The following CWC22 variants were observed in gnomAD, a reference collection of about 807,000 sequenced individuals.
CWC22 encodes the protein CWC22 spliceosome associated protein.
In CWC22, 53 loss-of-function variants were observed where a neutral mutation model predicts 117.2. That is an observed-to-expected ratio of 0.45 (90% CI 0.36 to 0.57). The LOEUF (loss-of-function observed/expected upper bound fraction) is 0.57. Among genes scored for constraint, CWC22 ranks in the 20% least tolerant of loss-of-function variants. CWC22 has a pLI of 0.00. For missense variants in CWC22, 980 were observed against 1,068.8 expected (o/e 0.92, Z 1.16); for synonymous variants, 360 against 355.6 (o/e 1.01, Z -0.14).
chr2:179,953,921 A>G (rs1342595234), intron 16 of CWC22, among the ~76,000 whole-genome samples: 1 of 152,128 alleles, frequency 6.6e-6, no homozygotes, highest in African/African-American at 2.4e-5. Context: ...GTACACAGAG[A>G]AGATGAAAAT....
chr2:179,950,176 A>T (rs1686408714), intron 19 of CWC22, among the ~76,000 whole-genome samples: 1 of 152,218 alleles, frequency 6.6e-6, no homozygotes, highest in Admixed American at 6.5e-5. Flanking sequence ...AAAGTAAAAA[A>T]CTAAAATTTA....
At chr2:179,978,841 A>G (rs1323877814) in intron 5 of CWC22, among the ~76,000 whole-genome samples, 2 of 150,060 alleles carry the variant, frequency 1.3e-5, no homozygotes, top group African/African-American at 4.9e-5. Flanking sequence ...AAAGGGAGTC[A>G]CATGAAATCA....
At chr2:179,992,149 T>C (rs78440168) in intron 2 of CWC22, among the ~76,000 whole-genome samples, 25 of 152,158 alleles carry the variant, frequency 1.6e-4, no homozygotes, top group Non-Finnish European at 3.5e-4. Context: ...CCTACATTTA[T>C]AATCAAATAA....
intron 1 of CWC22, among the ~76,000 whole-genome samples, chr2:179,997,536 T>C (rs1409204056): frequency 6.6e-6 from 1 of 152,182 alleles, no homozygotes; most frequent in Non-Finnish European, 1.5e-5. Flanking sequence ...CCTGTTTTAA[T>C]GGCTATAAAG....
At chr2:179,989,554 GAAC>G (rs1215374767) in intron 2 of CWC22, among the ~76,000 whole-genome samples, 1 of 151,996 alleles carries the variant, frequency 6.6e-6, no homozygotes, top group Admixed American at 6.5e-5. Context: ...CTAGGGACTC[GAAC>G]AACATTACTT....
intron 9 of CWC22, 38 bp from the exon 10 acceptor site, chr2:179,970,894 A>C: frequency 6.2e-7 from 1 of 1,607,310 alleles, no homozygotes. Context: ...TAAAATAAGC[A>C]ATAAATATAA....
At chr2:179,993,220 G>C (rs1260588110) in intron 2 of CWC22, 95 bp downstream of exon 2, 1 of 956,528 alleles carries the variant, frequency 1.0e-6, no homozygotes, top group Non-Finnish European at 1.6e-6. Flanking sequence ...CTACTGTCTG[G>C]CTCTGATGTC....
chr2:179,980,249 CT>C (rs1403131236), intron 5 of CWC22, among the ~76,000 whole-genome samples: 1 of 152,082 alleles, frequency 6.6e-6, no homozygotes, highest in African/African-American at 2.4e-5. Context: ...CTCCAAATTC[CT>C]TTTCAACCTA....
Position 179,970,962 on chromosome 2 carries a change from C to T in CWC22, c.919G>A (p.Val307Met), listed in dbSNP as rs781207411. 11 of 1,612,572 alleles carry T rather than the reference C, an allele frequency of 6.8e-6. No homozygotes were observed. The highest frequency in any genetic ancestry group is 1.1e-5 in the South Asian group (1 of 90,834). The change falls in exon 9 of 20, where the codon GTG becomes ATG. Residue 307 changes from valine to methionine, a missense_variant. Val to Met is a conservative substitution (Grantham distance 21, BLOSUM62 1). Around this residue, in one of 3 missense-constraint regions of CWC22, gnomAD observed 559 missense variants for 602.3 expected, o/e 0.93. Coordinates refer to ENST00000410053, the MANE Select transcript of CWC22 (RefSeq NM_020943.3). ...TTACCATTGATTCCTCTTGGTGACA[C>T]TTGTGTTAATTTGAGGCCACATTCC... ...LKECGLKLTQ[V>M]SPRGINAIFE...
intron 19 of CWC22, among the ~76,000 whole-genome samples, chr2:179,948,884 T>C (rs1686375724): frequency 6.6e-6 from 1 of 152,178 alleles, no homozygotes; most frequent in Non-Finnish European, 1.5e-5. Context: ...TGTAGTCTAG[T>C]CAATAATGCT....
At chr2:179,993,167 T>C (rs572050179) in intron 2 of CWC22, 148 bp downstream of exon 2, 13 of 623,756 alleles carry the variant, frequency 2.1e-5, no homozygotes, top group South Asian at 4.0e-5. Context: ...GTTTTTAAAA[T>C]TGCAAAAACT....
intron 4 of CWC22, among the ~76,000 whole-genome samples, 156 bp from the exon 5 acceptor site, chr2:179,982,153 T>A (rs1169200675): frequency 2.0e-5 from 3 of 152,108 alleles, no homozygotes; most frequent in African/African-American, 4.8e-5. Flanking sequence ...CAGAGAAAAT[T>A]CAACAAATTA....
chr2:179,959,251 C>A (rs772624915), intron 13 of CWC22, among the ~76,000 whole-genome samples, 169 bp from the exon 14 acceptor site: 1 of 152,042 alleles, frequency 6.6e-6, no homozygotes, highest in African/African-American at 2.4e-5. Context: ...GAGATAAGTG[C>A]CAATACATAC....
At chr2:179,986,380 C>T (rs915922122) in intron 4 of CWC22, among the ~76,000 whole-genome samples, 1 of 152,082 alleles carries the variant, frequency 6.6e-6, no homozygotes, top group African/African-American at 2.4e-5. Flanking sequence ...TCTTGCGGTA[C>T]AATACAATGA....
At chr2:179,984,167 G>A (rs926954753) in intron 4 of CWC22, among the ~76,000 whole-genome samples, 10 of 152,026 alleles carry the variant, frequency 6.6e-5, no homozygotes, top group Non-Finnish European at 7.4e-5. Context: ...GAAAAATACA[G>A]AAGCTTTGGA....
At position 179,976,403 on chromosome 2, in the gene CWC22, A is replaced by G. The variant is rs548153395; in HGVS notation, c.581+1787T>C. Among the ~76,000 whole-genome samples the G allele has an allele frequency of 6.6e-5, 10 of 152,340 alleles. 1 individual carries two copies. In the South Asian group the frequency reaches 2.1e-3, roughly 32 times the overall value. On this transcript the variant is annotated intron_variant, in intron 6 of 19. Transcript: ENST00000410053. Reference sequence around the variant, plus strand: ...TAAAGCACAGGCAACAAAAGCAAAAAGAGACAAATGGGATTACATAAAACT... The same window carrying G: ...TAAAGCACAGGCAACAAAAGCAAAAGGAGACAAATGGGATTACATAAAACT...
intron 2 of CWC22, 43 bp downstream of exon 2, chr2:179,993,272 G>A: frequency 2.2e-6 from 3 of 1,365,632 alleles, no homozygotes; most frequent in Non-Finnish European, 3.1e-6. Context: ...ATAGGTAATT[G>A]ACTATAAGTT....
At chr2:179,982,028 A>G in intron 4 of CWC22, 31 bp from the exon 5 acceptor site, 1 of 1,232,940 alleles carries the variant, frequency 8.1e-7, no homozygotes, top group Non-Finnish European at 1.2e-6. Context: ...AGAGCAGAAA[A>G]GACAATATAA....
At chr2:179,957,713 T>C (rs921818281) in intron 14 of CWC22, among the ~76,000 whole-genome samples, 2 of 152,164 alleles carry the variant, frequency 1.3e-5, no homozygotes, top group African/African-American at 2.4e-5. Flanking sequence ...ACATTCACTC[T>C]GGCATCTGTG....
Sources: gnomAD v4.1 joint callset for allele counts (sites outside exome capture counted in the v4.1 genomes callset) on GRCh38, gnomAD v4.1.1 for gene constraint, gnomAD v4.1.1 regional missense constraint, MANE v1.5 for transcripts, NCBI Gene and HGNC (gene_info 2026-07-23, HGNC 2026-07-21) for gene names.